The following PRR16 variants were observed in gnomAD, a reference collection of about 807,000 sequenced individuals.
The protein encoded by PRR16 is proline rich 16.
PRR16 carries 6 observed loss-of-function variants against 18.2 expected under a neutral mutation model. The ratio of observed to expected loss-of-function variants is 0.33; its 90% CI spans 0.18 to 0.65. The LOEUF (loss-of-function observed/expected upper bound fraction) is 0.65, where lower values mean the gene tolerates loss of function less well. Among genes scored for constraint, PRR16 ranks in the 30% least tolerant of loss-of-function variants. PRR16 has a pLI of 0.74. For synonymous variants in PRR16, 151 were observed against 147.8 expected, an observed-to-expected ratio of 1.02 and a Z score of -0.16; for missense variants, 412 against 376.6, an observed-to-expected ratio of 1.09 and a Z score of -0.78.
chr5:120,683,169 C>A (rs1167932243), intron 1 of PRR16, among the ~76,000 whole-genome samples: 1 of 152,064 alleles, frequency 6.6e-6, no homozygotes, highest in African/African-American at 2.4e-5. Context: ...AGAACTGACT[C>A]ATACTAGCTA....
At chr5:120,620,319 C>T (rs954533205) in intron 1 of PRR16, among the ~76,000 whole-genome samples, 1 of 152,086 alleles carries the variant, frequency 6.6e-6, no homozygotes, top group Non-Finnish European at 1.5e-5. Flanking sequence ...AATGGTGAAA[C>T]AGGCAGACGA....
At chr5:120,577,453 A>G (rs1753117188) in intron 1 of PRR16, among the ~76,000 whole-genome samples, 1 of 151,758 alleles carries the variant, frequency 6.6e-6, no homozygotes, top group Non-Finnish European at 1.5e-5. Flanking sequence ...AGGAAACCAA[A>G]TAGGGGCAAA....
the PRR16 span, among the ~76,000 whole-genome samples, chr5:120,729,649 A>G: frequency 6.6e-6 from 1 of 152,204 alleles, no homozygotes; most frequent in African/African-American, 2.4e-5. Context: ...TTGACTAAAT[A>G]AATGAATGAG....
chr5:120,692,380 T>G, the PRR16 span, among the ~76,000 whole-genome samples: 1 of 152,134 alleles, frequency 6.6e-6, no homozygotes. Context: ...CATTAAAAAG[T>G]AAAGACTGTG....
At chr5:120,720,183 G>A in the PRR16 span, among the ~76,000 whole-genome samples, 3 of 152,054 alleles carry the variant, frequency 2.0e-5, no homozygotes, top group South Asian at 2.1e-4. Flanking sequence ...TAAATGGGAC[G>A]TCAGTCTCTG....
At chr5:120,601,878 G>T (rs548511017) in intron 1 of PRR16, among the ~76,000 whole-genome samples, 68 of 151,770 alleles carry the variant, frequency 4.5e-4, no homozygotes, top group Non-Finnish European at 6.3e-4. Flanking sequence ...GGTTATAGAT[G>T]AGTGGCTTTA....
chr5:120,617,537 A>G (rs1246111444), intron 1 of PRR16, among the ~76,000 whole-genome samples: 1 of 152,134 alleles, frequency 6.6e-6, no homozygotes, highest in East Asian at 1.9e-4. Flanking sequence ...TTTGTTCAAA[A>G]CCGCAAGATT....
intron 1 of PRR16, among the ~76,000 whole-genome samples, chr5:120,608,110 G>C (rs935086754): frequency 6.6e-6 from 1 of 152,144 alleles, no homozygotes; most frequent in Non-Finnish European, 1.5e-5. Context: ...GCATATTTTG[G>C]TGGAAGCCCT....
At chr5:120,561,084 A>AT (rs140716302) in intron 1 of PRR16, among the ~76,000 whole-genome samples, 7,480 of 151,330 alleles carry the variant, frequency 0.049, 200 homozygotes, top group African/African-American at 0.075. Context: ...TGCTTTGTTG[A>AT]TTTTTTTGTT....
intron 1 of PRR16, among the ~76,000 whole-genome samples, chr5:120,525,464 C>G (rs1167086392): frequency 2.0e-5 from 3 of 152,042 alleles, no homozygotes; most frequent in African/African-American, 7.2e-5. Flanking sequence ...CCATTTAAAT[C>G]ATATCTGGAA....
chr5:120,622,097 G>A (rs1374351621), intron 1 of PRR16, among the ~76,000 whole-genome samples: 1 of 152,106 alleles, frequency 6.6e-6, no homozygotes, highest in Non-Finnish European at 1.5e-5. Context: ...ACTACCTGTA[G>A]TTTTTTCCAT....
intron 1 of PRR16, among the ~76,000 whole-genome samples, chr5:120,467,942 C>A (rs79704637): frequency 6.6e-6 from 1 of 152,136 alleles, no homozygotes; most frequent in East Asian, 1.9e-4. Context: ...TTTTAAATTG[C>A]TACCAAGATG....
At chr5:120,714,988 G>A in the PRR16 span, among the ~76,000 whole-genome samples, 1 of 151,822 alleles carries the variant, frequency 6.6e-6, no homozygotes, top group Non-Finnish European at 1.5e-5. Context: ...GGGCCTGTTG[G>A]TGGTGGGGGG....
intron 1 of PRR16, among the ~76,000 whole-genome samples, chr5:120,537,871 G>C (rs1220131132): frequency 6.7e-6 from 1 of 149,758 alleles, no homozygotes; most frequent in African/African-American, 2.5e-5. Context: ...CCGCCTCCCG[G>C]GTTCACGCCA....
chr5:120,468,731 C>T (rs1749179454), intron 1 of PRR16, among the ~76,000 whole-genome samples: 1 of 152,164 alleles, frequency 6.6e-6, no homozygotes, highest in African/African-American at 2.4e-5. Flanking sequence ...CAGAGTGACA[C>T]TGGAATCTGT....
intron 1 of PRR16, among the ~76,000 whole-genome samples, chr5:120,644,025 C>G (rs1755509712): frequency 1.3e-5 from 2 of 151,902 alleles, no homozygotes; most frequent in Admixed American, 1.3e-4. Context: ...AACAAACAAA[C>G]AAGGCTGATG....
rs183235795 is a variant in PRR16, at chr5:120,487,802, A to G, written c.159+23157A>G. Among the ~76,000 whole-genome samples the G allele has an allele frequency of 7.5e-3, 1,146 of 152,252 alleles. 22 individuals carry two copies. The highest frequency in any genetic ancestry group is 0.026 in the African/African-American group (1,098 of 41,524). The stretch of plus-strand genomic sequence containing the variant: ...TGTGGGTTTGTCATAGATAGCTCTT[A>G]TTATTTTGAGATACGTCCCAACAGT... On this transcript the variant is annotated intron_variant, in intron 1 of 1. Coordinates refer to ENST00000407149, the MANE Select transcript of PRR16 (RefSeq NM_001300783.2).
At chr5:120,504,595 G>A (rs531766911) in intron 1 of PRR16, among the ~76,000 whole-genome samples, 9 of 152,166 alleles carry the variant, frequency 5.9e-5, no homozygotes, top group South Asian at 4.1e-4. Context: ...TGACATGGGC[G>A]GTGATCATTG....
the PRR16 span, among the ~76,000 whole-genome samples, chr5:120,703,867 G>T: frequency 7.2e-5 from 11 of 152,098 alleles, no homozygotes; most frequent in African/African-American, 2.2e-4. Context: ...ATAATTTAAG[G>T]CCCACATAAA....
Sources: gnomAD v4.1 joint callset for allele counts (sites outside exome capture counted in the v4.1 genomes callset) on GRCh38, gnomAD v4.1.1 for gene constraint, MANE v1.5 for transcripts, NCBI Gene and HGNC (gene_info 2026-07-23, HGNC 2026-07-21) for gene names.